THSD7A: variants seen among roughly 807,000 people sequenced by gnomAD.
The protein encoded by THSD7A is thrombospondin type-1 domain-containing protein 7A.
A neutral mutation model predicts 231.3 loss-of-function variants in THSD7A; 96 were observed. That is an observed-to-expected ratio of 0.41 (90% CI 0.35 to 0.49). THSD7A has a LOEUF of 0.49. THSD7A is among the 20% of genes least tolerant of loss of function. The probability of loss-of-function intolerance (pLI) is 0.05; values close to 1 mark genes in which losing one functional copy is unlikely to be tolerated. For missense variants in THSD7A, 2,290 were observed against 2,070.2 expected, an observed-to-expected ratio of 1.11 and a Z score of -2.06; for synonymous variants, 940 against 743.3, an observed-to-expected ratio of 1.26 and a Z score of -4.30.
intron 1 of THSD7A, among the ~76,000 whole-genome samples, chr7:11,638,541 AG>A (rs1338119199): frequency 6.6e-6 from 1 of 152,240 alleles, no homozygotes; most frequent in Non-Finnish European, 1.5e-5. Flanking sequence ...AGTTGTAAAT[AG>A]AATAGAGACT....
intron 1 of THSD7A, among the ~76,000 whole-genome samples, chr7:11,827,850 G>C (rs1410131999): frequency 6.6e-6 from 1 of 152,128 alleles, no homozygotes; most frequent in African/African-American, 2.4e-5. Context: ...TAAGCAATCT[G>C]TTCTTCCTTT....
rs191190316 is a variant in THSD7A, at chr7:11,598,476, G to T, written c.1023-4974C>A. On this transcript the variant is annotated intron_variant, in intron 2 of 27. Coordinates refer to ENST00000423059, the MANE Select transcript of THSD7A (RefSeq NM_015204.3). ...CGAACAAAGGGGCCATAGTGGCACA[G>T]ATGGAGGTTATGGATGGGCTCAGCA... is the stretch of plus-strand genomic sequence containing the variant. Among the ~76,000 whole-genome samples the T allele has an allele frequency of 3.1e-3, 472 of 152,318 alleles. 2 individuals are homozygous for T. The highest frequency in any genetic ancestry group is 5.6e-3 in the Non-Finnish European group (378 of 68,036).
chr7:11,490,671 GTTCT>G (rs1456960342), intron 6 of THSD7A, among the ~76,000 whole-genome samples: 3 of 151,908 alleles, frequency 2.0e-5, no homozygotes, highest in Non-Finnish European at 4.4e-5. Flanking sequence ...TTCTTGAATA[GTTCT>G]TTCTTGTGAT....
At chr7:11,812,217 G>A (rs1784551525) in intron 1 of THSD7A, among the ~76,000 whole-genome samples, 1 of 151,704 alleles carries the variant, frequency 6.6e-6, no homozygotes, top group South Asian at 2.1e-4. Flanking sequence ...CACAGATGAA[G>A]AAGATTTAGA....
At chr7:11,566,906 A>T (rs763106905) in intron 4 of THSD7A, among the ~76,000 whole-genome samples, 7 of 144,632 alleles carry the variant, frequency 4.8e-5, no homozygotes, top group Admixed American at 4.2e-4. Flanking sequence ...GATCATCTTA[A>T]CTCTTTTGTG....
intron 6 of THSD7A, among the ~76,000 whole-genome samples, chr7:11,508,138 A>G (rs1239766364): frequency 6.6e-6 from 1 of 152,176 alleles, no homozygotes; most frequent in Non-Finnish European, 1.5e-5. Flanking sequence ...CTCATGATCC[A>G]ATCACCTCCC....
At chr7:11,437,007 G>A (rs537595061) in intron 13 of THSD7A, among the ~76,000 whole-genome samples, 8 of 152,086 alleles carry the variant, frequency 5.3e-5, no homozygotes, top group African/African-American at 1.9e-4. Flanking sequence ...TTTTTTGGTT[G>A]TTGCAAATAA....
At chr7:11,536,266 T>C (rs1202967944) in intron 6 of THSD7A, among the ~76,000 whole-genome samples, 1 of 152,168 alleles carries the variant, frequency 6.6e-6, no homozygotes, top group African/African-American at 2.4e-5. Flanking sequence ...TGGTTCCTTT[T>C]AGTTTATACA....
chr7:11,411,947 C>G lies in THSD7A; in HGVS notation c.3683-625G>C, dbSNP rs1562589567. Among the ~76,000 whole-genome samples, 1 of 151,474 alleles carries G rather than the reference C, an allele frequency of 6.6e-6. No individual in the cohort carries two copies. The highest frequency in any genetic ancestry group is 1.5e-5 in the Non-Finnish European group (1 of 67,888). On this transcript the variant is annotated intron_variant, in intron 18 of 27. Coordinates refer to ENST00000423059, the MANE Select transcript of THSD7A (RefSeq NM_015204.3). The surrounding 1 kb of genome is among the most constrained non-coding windows in gnomAD (Gnocchi z 4.1). ...ATCAAAGGAAACTGAAGAGAAAAAC[C>G]AAAAGAAACAAAGCCAATATGACTG...
intron 1 of THSD7A, among the ~76,000 whole-genome samples, chr7:11,764,099 A>T (rs148009999): frequency 6.6e-6 from 1 of 152,178 alleles, no homozygotes; most frequent in African/African-American, 2.4e-5. Context: ...TTACCAATGT[A>T]TTGTTCTAAG....
At chr7:11,769,153 A>ATATATATATATATTTTTTTTTTTT in intron 1 of THSD7A, among the ~76,000 whole-genome samples, 1 of 27,662 alleles carries the variant, frequency 3.6e-5, no homozygotes, top group Non-Finnish European at 7.0e-5. Context: ...ATATATATAT[A>ATATATATATATATTTTTTTTTTTT]TTTTTTTTTT....
intron 26 of THSD7A, chr7:11,376,878 T>C (rs1782296221): frequency 5.4e-6 from 2 of 367,924 alleles, no homozygotes; most frequent in Non-Finnish European, 9.7e-6. Flanking sequence ...TGAAAAATTA[T>C]AAATGTTTGA....
intron 6 of THSD7A, among the ~76,000 whole-genome samples, chr7:11,484,232 CT>C (rs1786552653): frequency 6.6e-6 from 1 of 152,048 alleles, no homozygotes; most frequent in South Asian, 2.1e-4. Flanking sequence ...CAGGTATGAT[CT>C]TGTCCCTTTT....
intron 1 of THSD7A, among the ~76,000 whole-genome samples, chr7:11,655,364 C>G (rs1178578021): frequency 6.6e-6 from 1 of 151,796 alleles, no homozygotes; most frequent in Non-Finnish European, 1.5e-5. Flanking sequence ...CATTGTTTAG[C>G]AAAGTTGCTG....
At chr7:11,401,243 T>A (rs190091329) in intron 23 of THSD7A, among the ~76,000 whole-genome samples, 21 of 152,224 alleles carry the variant, frequency 1.4e-4, no homozygotes, top group Non-Finnish European at 2.8e-4. Flanking sequence ...AATAATGTGC[T>A]CCTAATTATC....
At chr7:11,665,017 C>T (rs781139242) in intron 1 of THSD7A, among the ~76,000 whole-genome samples, 5 of 152,106 alleles carry the variant, frequency 3.3e-5, no homozygotes, top group East Asian at 1.9e-4. Context: ...CAGGAGATAT[C>T]GATACCAATT....
At chr7:11,440,670 G>A (rs116105016) in intron 13 of THSD7A, among the ~76,000 whole-genome samples, 223 of 152,122 alleles carry the variant, frequency 1.5e-3, no homozygotes, top group African/African-American at 5.1e-3. Context: ...TAGAAGAGGA[G>A]TCTGAAGATG....
At chr7:11,473,983 A>T (rs1399798149) in intron 8 of THSD7A, among the ~76,000 whole-genome samples, 1 of 152,076 alleles carries the variant, frequency 6.6e-6, no homozygotes, top group Non-Finnish European at 1.5e-5. Context: ...ATAGGAGGTC[A>T]TGGATGACCT....
chr7:11,432,335 A>T (rs758303017), intron 13 of THSD7A, among the ~76,000 whole-genome samples: 25 of 152,254 alleles, frequency 1.6e-4, no homozygotes, highest in South Asian at 4.1e-4. Context: ...TCTCCTATAC[A>T]TTTGTCAAAG....
Sources: allele counts gnomAD v4.1 joint callset (sites outside exome capture counted in the v4.1 genomes callset), GRCh38; gene constraint gnomAD v4.1.1; non-coding constraint Gnocchi (gnomAD v3.1); transcripts MANE v1.5; gene names NCBI Gene and HGNC (gene_info 2026-07-23, HGNC 2026-07-21).